The following GIGYF2 variants were observed in gnomAD, a reference collection of about 807,000 sequenced individuals.
GIGYF2 encodes GRB10-interacting GYF protein 2.
GIGYF2 carries 25 observed loss-of-function variants against 208.1 expected under a neutral mutation model. That is an observed-to-expected ratio of 0.12 (90% CI 0.09 to 0.17). The LOEUF (loss-of-function observed/expected upper bound fraction) is 0.17, where lower values mean the gene tolerates loss of function less well. GIGYF2 is among the 10% of genes least tolerant of loss of function. The probability of loss-of-function intolerance (pLI) is 1.00; values close to 1 mark genes in which losing one functional copy is unlikely to be tolerated. For synonymous variants in GIGYF2, 534 were observed against 543.8 expected (o/e 0.98, Z 0.25); for missense variants, 1,302 against 1,579.4 (o/e 0.82, Z 2.98).
intron 22 of GIGYF2, among the ~76,000 whole-genome samples, chr2:232,833,960 T>C (rs1701502267): frequency 1.3e-5 from 2 of 151,344 alleles, no homozygotes; most frequent in Admixed American, 1.3e-4. Flanking sequence ...TGTGAATGAA[T>C]AGGAGAGGCC....
intron 13 of GIGYF2, among the ~76,000 whole-genome samples, chr2:232,795,446 G>A (rs1486545558): frequency 6.6e-6 from 1 of 152,190 alleles, no homozygotes; most frequent in Non-Finnish European, 1.5e-5. Context: ...TTAGTGGCAG[G>A]AAATGCTGAA....
At chr2:232,780,358 T>C (rs572333637) in intron 8 of GIGYF2, among the ~76,000 whole-genome samples, 30 of 152,350 alleles carry the variant, frequency 2.0e-4, no homozygotes, top group Non-Finnish European at 3.8e-4. Context: ...AAATTGTATA[T>C]GTAGTACGTA....
chr2:232,723,752 G>A (rs1370852036), intron 2 of GIGYF2, among the ~76,000 whole-genome samples: 32 of 52,238 alleles, frequency 6.1e-4, no homozygotes, highest in Non-Finnish European at 1.0e-3. Context: ...TTTTTTTTGA[G>A]ATGGAGTTTC....
intron 8 of GIGYF2, among the ~76,000 whole-genome samples, chr2:232,784,539 C>T (rs998572879): frequency 1.1e-4 from 17 of 151,138 alleles, no homozygotes; most frequent in South Asian, 4.2e-4. Flanking sequence ...TACAGGCGCC[C>T]GCCACCGCGC....
At chr2:232,766,563 T>A in intron 8 of GIGYF2, 1 of 152,402 alleles carries the variant, frequency 6.6e-6, no homozygotes, top group East Asian at 1.9e-4. Flanking sequence ...ACAATAGTCT[T>A]GGGTTGGGAA....
chr2:232,769,905 A>G (rs989442048), intron 8 of GIGYF2, among the ~76,000 whole-genome samples: 1 of 152,214 alleles, frequency 6.6e-6, no homozygotes, highest in Non-Finnish European at 1.5e-5. Flanking sequence ...GTGATTTTCA[A>G]GTATTCTGGT....
At chr2:232,756,803 A>T (rs1480736007) in intron 6 of GIGYF2, among the ~76,000 whole-genome samples, 1 of 152,254 alleles carries the variant, frequency 6.6e-6, no homozygotes. Context: ...AGAAAAAAAG[A>T]TAATTCTGCC....
At chr2:232,805,332 CT>C (rs964666749) in intron 14 of GIGYF2, among the ~76,000 whole-genome samples, 4 of 151,762 alleles carry the variant, frequency 2.6e-5, no homozygotes, top group African/African-American at 9.7e-5. Context: ...TTGTCTGTTT[CT>C]TTTTTTCAGT....
intron 8 of GIGYF2, among the ~76,000 whole-genome samples, chr2:232,773,768 G>A (rs920011916): frequency 6.6e-6 from 1 of 151,984 alleles, no homozygotes; most frequent in Non-Finnish European, 1.5e-5. Context: ...CACAGAGTAA[G>A]CTCTCAGTAA....
chr2:232,824,434 A>G (rs900163247), intron 21 of GIGYF2, among the ~76,000 whole-genome samples: 2 of 152,240 alleles, frequency 1.3e-5, no homozygotes, highest in African/African-American at 4.8e-5. Flanking sequence ...GCTGATATGG[A>G]GATAGTTTTA....
intron 2 of GIGYF2, among the ~76,000 whole-genome samples, chr2:232,713,742 C>G (rs554787569): frequency 6.6e-6 from 1 of 152,066 alleles, no homozygotes; most frequent in Non-Finnish European, 1.5e-5. Context: ...TGTAGAATGA[C>G]TCTCTTTTAG....
chr2:232,770,225 G>C (rs1163058119), intron 8 of GIGYF2, among the ~76,000 whole-genome samples: 1 of 152,124 alleles, frequency 6.6e-6, no homozygotes, highest in African/African-American at 2.4e-5. Flanking sequence ...TTATTGAATA[G>C]TATATTAAAG....
intron 19 of GIGYF2, 98 bp from the exon 20 acceptor site, chr2:232,816,772 CA>C: frequency 1.1e-6 from 1 of 886,986 alleles, no homozygotes; most frequent in Non-Finnish European, 1.9e-6. Flanking sequence ...CAGTACGGTA[CA>C]AGCAGCTGAT....
chr2:232,705,327 A>G (rs973350114), intron 2 of GIGYF2: 1 of 152,212 alleles, frequency 6.6e-6, no homozygotes, highest in African/African-American at 2.4e-5. Flanking sequence ...GAAATAATAC[A>G]TTTTTGTATT....
At chr2:232,843,682 C>T (rs140761408) in intron 23 of GIGYF2, among the ~76,000 whole-genome samples, 1,858 of 151,938 alleles carry the variant, frequency 0.012, 43 homozygotes, top group African/African-American at 0.042. Flanking sequence ...GAGACCAGCC[C>T]GGCCAATATG....
chr2:232,777,613 T>TCC (rs3214757), intron 8 of GIGYF2, among the ~76,000 whole-genome samples: 2,373 of 131,554 alleles, frequency 0.018, 71 homozygotes, highest in African/African-American at 0.063. Flanking sequence ...ATCCTCTCCG[T>TCC]CCCCCCCCCG....
intron 2 of GIGYF2, among the ~76,000 whole-genome samples, chr2:232,715,570 G>A (rs943641047): frequency 3.3e-5 from 5 of 150,944 alleles, no homozygotes; most frequent in Non-Finnish European, 4.4e-5. Flanking sequence ...GACTTTTGTT[G>A]GCTTTCTGGG....
At chr2:232,710,956 C>T (rs1696367239) in intron 2 of GIGYF2, among the ~76,000 whole-genome samples, 1 of 151,880 alleles carries the variant, frequency 6.6e-6, no homozygotes, top group Non-Finnish European at 1.5e-5. Context: ...CCACCTCAGC[C>T]TCCCAAAGTG....
chr2:232,760,330 A>G (rs917784454), intron 6 of GIGYF2, 150 bp from the exon 7 acceptor site: 2 of 655,208 alleles, frequency 3.1e-6, no homozygotes, highest in African/African-American at 1.8e-5. Context: ...TGTTGGTCTC[A>G]TAAGTCAAGA....
Sources: allele counts gnomAD v4.1 joint callset (sites outside exome capture counted in the v4.1 genomes callset), GRCh38; gene constraint gnomAD v4.1.1; transcripts MANE v1.5; gene names NCBI Gene and HGNC (gene_info 2026-07-23, HGNC 2026-07-21).